The following PCDHGB6 variants were observed in gnomAD, a reference collection of about 807,000 sequenced individuals.
The protein encoded by PCDHGB6 is protocadherin gamma subfamily B, 6.
In PCDHGB6, 51 loss-of-function variants were observed where a neutral mutation model predicts 59.1. The ratio of observed to expected loss-of-function variants is 0.86; its 90% CI spans 0.69 to 1.09. PCDHGB6 has a LOEUF of 1.09. PCDHGB6 is among the 50% of genes least tolerant of loss of function. The probability of loss-of-function intolerance (pLI) is 0.00; values close to 1 mark genes in which losing one functional copy is unlikely to be tolerated. For synonymous variants in PCDHGB6, 466 were observed against 495.1 expected (o/e 0.94, Z 0.78); for missense variants, 1,148 against 1,205.1 (o/e 0.95, Z 0.70).
At position 141,490,054 on chromosome 5, in the gene PCDHGB6, G is replaced by A. The variant is rs2099695440; in HGVS notation, c.2419-4753G>A. The A allele has an allele frequency of 6.2e-7, 1 of 1,614,104 alleles. No individual in the cohort carries two copies. The highest frequency in any genetic ancestry group is 1.3e-5 in the African/African-American group (1 of 74,944). ...CCTCAATGCCACTGATCCAGACGAG[G>A]GCACCAACGGCCAACTAGACTATTC... On this transcript the variant is annotated intron_variant, in intron 1 of 3. Transcript: ENST00000520790. This position sits in a 1 kb window ranked among gnomAD's most constrained non-coding sequence, Gnocchi z 5.4.
intron 1 of PCDHGB6, among the ~76,000 whole-genome samples, chr5:141,458,992 C>G (rs1268862644): frequency 6.6e-6 from 1 of 152,190 alleles, no homozygotes; most frequent in African/African-American, 2.4e-5. Flanking sequence ...CTCACCCTCC[C>G]AAAGTGCTGG....
intron 3 of PCDHGB6, among the ~76,000 whole-genome samples, chr5:141,506,417 A>C (rs1326078146): frequency 6.8e-6 from 1 of 147,658 alleles, no homozygotes; most frequent in Non-Finnish European, 1.5e-5. Context: ...ACTGCACTCC[A>C]GCCTGGGCAA....
At chr5:141,422,348 A>G (rs1163115969) in intron 1 of PCDHGB6, 1 of 1,554,608 alleles carries the variant, frequency 6.4e-7, no homozygotes, top group Non-Finnish European at 8.7e-7. Context: ...AATGTGCAAG[A>G]TCAAGATTCT....
At position 141,410,008 on chromosome 5, in the gene PCDHGB6, C is replaced by A. The variant is rs2095347582; in HGVS notation, c.1806C>A (p.Ala602=). 1 of 1,613,220 alleles carries A rather than the reference C, an allele frequency of 6.2e-7. No homozygotes were observed. The highest frequency in any genetic ancestry group is 8.5e-7 in the Non-Finnish European group (1 of 1,179,826). Residue 602 remains alanine (A), a synonymous_variant, in exon 1 of 4, where the codon GCC becomes GCA. Transcript: ENST00000520790. ...VAVDADSGHN[A]WLSYHVLQAS... The stretch of plus-strand genomic sequence containing the variant: ...TGGACGCCGACTCGGGACACAACGC[C>A]TGGCTGTCCTACCACGTGCTGCAGG...
chr5:141,422,876 G>A (rs2096681830), intron 1 of PCDHGB6: 1 of 1,614,248 alleles, frequency 6.2e-7, no homozygotes, highest in Non-Finnish European at 8.5e-7. Context: ...GTGTCGCTGA[G>A]CCTGTTCGTG....
intron 1 of PCDHGB6, chr5:141,413,712 T>A (rs1405825615): frequency 9.9e-6 from 16 of 1,613,454 alleles, no homozygotes; most frequent in Middle Eastern, 3.3e-4. Context: ...TCAGCCCCAA[T>A]AAGCACTTCT....
At chr5:141,415,740 G>GTTTTTTT (rs57426385) in intron 1 of PCDHGB6, 164 of 624,990 alleles carry the variant, frequency 2.6e-4, no homozygotes, top group African/African-American at 5.0e-4. Flanking sequence ...GTTTATTAAG[G>GTTTTTTT]TTTTTTTTTT....
intron 2 of PCDHGB6, among the ~76,000 whole-genome samples, chr5:141,499,829 G>A (rs1322405697): frequency 6.6e-6 from 1 of 151,548 alleles, no homozygotes; most frequent in African/African-American, 2.4e-5. Context: ...TAGGATTACA[G>A]GTGTGCACCA....
In PCDHGB6 at chr5:141,511,460, A is replaced by ACCC. The variant is rs1367357803; in HGVS notation, c.*289_*291dup. The ACCC allele has an allele frequency of 2.4e-4, 137 of 564,806 alleles. 1 individual carries two copies. In the Middle Eastern group the frequency reaches 2.7e-3, roughly 11 times the overall value. The allele number at this position is 564,806 out of a possible 1,614,324, so 35.0% of individuals were successfully genotyped here. A position where few individuals can be genotyped will look rare whatever the true frequency, so the allele number is the denominator to read the frequency against. ...GTAGACACCAAGAACCATTTGCCAC[A>ACCC]CCCCGTTTAGTTACAGCTGAACTCC... On this transcript the variant is annotated 3_prime_UTR_variant, in exon 4 of 4. Transcript: ENST00000520790.
chr5:141,421,902 C>A (rs1218675162), intron 1 of PCDHGB6: 1 of 1,613,706 alleles, frequency 6.2e-7, no homozygotes, highest in East Asian at 2.2e-5. Context: ...TCCGAAAGGG[C>A]GCAGTTCCCA....
chr5:141,491,450 C>G lies in PCDHGB6; in HGVS notation c.2419-3357C>G. ...CAGTGCTGCAGGCGCCAGGACTCAC[C>G]CTCCCCGGACTTCTATAAGCAGTCC... On this transcript the variant is annotated intron_variant, in intron 1 of 3. Transcript: ENST00000520790. The surrounding 1 kb of genome is among the most constrained non-coding windows in gnomAD (Gnocchi z 6.9). The G allele has an allele frequency of 1.2e-6, 2 of 1,614,110 alleles. No homozygotes were observed. Among genetic ancestry groups the G allele is most frequent in the Non-Finnish European group, 1.7e-6 (2 of 1,180,044 alleles).
chr5:141,421,365 G>A (rs1189449968), intron 1 of PCDHGB6: 2 of 1,614,026 alleles, frequency 1.2e-6, no homozygotes, highest in South Asian at 1.1e-5. Flanking sequence ...GCTCCTTCGT[G>A]GGCAATATCT....
chr5:141,478,145 T>C (rs1252008984), intron 1 of PCDHGB6: 1 of 1,614,026 alleles, frequency 6.2e-7, no homozygotes. Context: ...CCGAGCCGAG[T>C]TCCCCTCTGG....
intron 1 of PCDHGB6, among the ~76,000 whole-genome samples, chr5:141,449,030 G>C (rs2098623784): frequency 6.6e-6 from 1 of 152,012 alleles, no homozygotes; most frequent in Non-Finnish European, 1.5e-5. Context: ...GCATTCCTTT[G>C]GATTATTAAC....
intron 1 of PCDHGB6, chr5:141,492,055 G>C (rs1335131646): frequency 4.1e-6 from 2 of 493,506 alleles, no homozygotes; most frequent in Non-Finnish European, 7.1e-6. Flanking sequence ...CACCCCTGCA[G>C]CCAGCCTCCT....
chr5:141,430,796 C>A, intron 1 of PCDHGB6: 1 of 1,522,232 alleles, frequency 6.6e-7, no homozygotes, highest in Middle Eastern at 1.8e-4. Context: ...CTACAAAGGG[C>A]TTGTCCTGCT....
intron 1 of PCDHGB6, chr5:141,416,038 G>T: frequency 5.1e-6 from 1 of 196,894 alleles, no homozygotes; most frequent in Non-Finnish European, 1.0e-5. Flanking sequence ...AATCACCTCT[G>T]GAAACACAAC....
At chr5:141,496,146 G>A (rs749790409) in intron 2 of PCDHGB6, among the ~76,000 whole-genome samples, 1 of 151,170 alleles carries the variant, frequency 6.6e-6, no homozygotes, top group Non-Finnish European at 1.5e-5. Flanking sequence ...GCCTTTGATC[G>A]CAGCTCTCCA....
chr5:141,477,678 C>A lies in PCDHGB6; in HGVS notation c.2419-17129C>A, dbSNP rs967769574. 1 of 1,614,182 alleles carries A rather than the reference C, an allele frequency of 6.2e-7. No individual in the cohort carries two copies. The highest frequency in any genetic ancestry group is 1.3e-5 in the African/African-American group (1 of 75,054). ...AATCGTGACAATGGCATAGTGTCAT[C>A]CTTAGTGCCCCTAGACTATGAGGAT... is the stretch of plus-strand genomic sequence containing the variant. On this transcript the variant is annotated intron_variant, in intron 1 of 3. Transcript: ENST00000520790. The surrounding 1 kb of genome is among the most constrained non-coding windows in gnomAD (Gnocchi z 4.9).
Sources: gnomAD v4.1 joint callset for allele counts (sites outside exome capture counted in the v4.1 genomes callset) on GRCh38, gnomAD v4.1.1 for gene constraint, Gnocchi (gnomAD v3.1) non-coding constraint, MANE v1.5 for transcripts, NCBI Gene and HGNC (gene_info 2026-07-23, HGNC 2026-07-21) for gene names.